EIF3E: variants seen among roughly 807,000 people sequenced by gnomAD.
EIF3E encodes eIF-3 p48.
EIF3E carries 25 observed loss-of-function variants against 59.3 expected under a neutral mutation model. That is an observed-to-expected ratio of 0.42 (90% CI 0.31 to 0.59). The LOEUF (loss-of-function observed/expected upper bound fraction) is 0.59. Ranked by LOEUF, EIF3E falls within the 20% of genes least tolerant of loss-of-function variation. The pLI, the probability that EIF3E is intolerant of heterozygous loss-of-function variation, is 0.15. For missense variants in EIF3E, 317 were observed against 534.3 expected, an observed-to-expected ratio of 0.59 and a Z score of 4.01; for synonymous variants, 176 against 170.2, an observed-to-expected ratio of 1.03 and a Z score of -0.26.
chr8:108,204,758 GAGAGAGAGAGAGAGAGAGAGAGAC>G (rs1317900899), intron 10 of EIF3E, among the ~76,000 whole-genome samples: 24 of 105,872 alleles, frequency 2.3e-4, no homozygotes, highest in Middle Eastern at 5.3e-3. Flanking sequence ...GAGAGAGAGA[GAGAGAGAGAGAGAGAGAGAGAGAC>G]AGAGAGAGAG....
At chr8:108,212,806 CA>C (rs35101534) in intron 10 of EIF3E, among the ~76,000 whole-genome samples, 79,121 of 151,016 alleles carry the variant, frequency 0.52, 21,028 homozygotes, top group African/African-American at 0.65. Flanking sequence ...TGTCTCCCCC[CA>C]AAAAAAGAAA....
In EIF3E at chr8:108,214,599, G is replaced by A; in HGVS notation, c.1061+8C>T. 2 of 1,571,598 alleles carry A rather than the reference G, an allele frequency of 1.3e-6. No individual in the cohort carries two copies. Among genetic ancestry groups the A allele is most frequent in the Non-Finnish European group, 1.7e-6 (2 of 1,162,342 alleles). On this transcript the variant is annotated splice_region_variant and intron_variant, in intron 10 of 12. Transcript: ENST00000220849. ...TAGAAAATCCAAATCAAATCACGGT[G>A]TTCTTACTTAATGCTGATACACTGG...
In EIF3E at chr8:108,245,129, C is replaced by CT. The variant is rs563421733; in HGVS notation, c.91-3217dup. ...TCCTCAAAACCCTCACTGCCCCCCC[C>CT]TCCCATCCCATACCAATACAGAATG... On this transcript the variant is annotated intron_variant, in intron 1 of 12. Coordinates refer to ENST00000220849, the MANE Select transcript of EIF3E (RefSeq NM_001568.3). 1.4e-3 allele frequency among the ~76,000 whole-genome samples: 206 copies of CT among 146,046 alleles called. 1 individual carries two copies. The highest frequency in any genetic ancestry group is 5.6e-3 in the African/African-American group (200 of 35,844).
Position 108,202,938 on chromosome 8 carries a change from A to G in EIF3E, c.1299+45T>C, listed in dbSNP as rs569620347. ...CTTTGAAACTTCATGTAACAATTACATGGTTGCTAAACCCCAGACAGAATA... is the reference window on the plus strand; with the variant it reads ...CTTTGAAACTTCATGTAACAATTACGTGGTTGCTAAACCCCAGACAGAATA... On this transcript the variant is annotated intron_variant, in intron 12 of 12. Coordinates refer to ENST00000220849, the MANE Select transcript of EIF3E (RefSeq NM_001568.3). 14 of 1,563,338 alleles carry G rather than the reference A, an allele frequency of 9.0e-6. No individual in the cohort carries two copies. The African/African-American group carries it at 1.8e-4, about 20-fold the overall frequency.
chr8:108,229,276 C>A, intron 5 of EIF3E, 81 bp from the exon 6 acceptor site: 1 of 1,371,774 alleles, frequency 7.3e-7, no homozygotes. Context: ...CCATGTATCC[C>A]TCTAGCCTAC....
chr8:108,248,520 C>T (rs1199024471), intron 1 of EIF3E, 93 bp downstream of exon 1: 25 of 1,256,436 alleles, frequency 2.0e-5, no homozygotes, highest in Non-Finnish European at 2.8e-5. Flanking sequence ...CCGCCTCGCA[C>T]GTGTCAGGCC....
chr8:108,247,569 G>C (rs948869895), intron 1 of EIF3E, among the ~76,000 whole-genome samples: 5 of 152,142 alleles, frequency 3.3e-5, no homozygotes, highest in African/African-American at 1.2e-4. Flanking sequence ...TGAATATGAG[G>C]ATTATACCTG....
At chr8:108,236,281 T>C in intron 3 of EIF3E, 78 bp from the exon 4 acceptor site, 1 of 1,098,992 alleles carries the variant, frequency 9.1e-7, no homozygotes, top group Non-Finnish European at 1.3e-6. Context: ...TTCTAAGTTA[T>C]TACCTACGCA....
At position 108,215,385 on chromosome 8, in the gene EIF3E, G is replaced by A. The variant is rs189952554; in HGVS notation, c.952-669C>T. Among the ~76,000 whole-genome samples the A allele has an allele frequency of 5.1e-3, 775 of 152,168 alleles. 6 individuals carry two copies. Among genetic ancestry groups the A allele is most frequent in the Non-Finnish European group, 9.0e-3 (610 of 67,986 alleles). ...TGTAATCCCAGCACTTTGGGAGGCC[G>A]AGGTGGGCAGATCACAAGATCAGGA... On this transcript the variant is annotated intron_variant, in intron 9 of 12. Transcript: ENST00000220849.
intron 10 of EIF3E, among the ~76,000 whole-genome samples, chr8:108,209,477 C>T (rs1199510838): frequency 6.6e-6 from 1 of 151,946 alleles, no homozygotes; most frequent in Non-Finnish European, 1.5e-5. Context: ...TGAAATTTCC[C>T]AAAATTACAA....
chr8:108,241,682 A>G (rs1489047985), intron 2 of EIF3E, 117 bp downstream of exon 2: 3 of 528,684 alleles, frequency 5.7e-6, no homozygotes, highest in Non-Finnish European at 9.8e-6. Flanking sequence ...CCCAAAGAAC[A>G]TTAACATTCA....
intron 5 of EIF3E, among the ~76,000 whole-genome samples, chr8:108,229,649 A>G (rs1015850002): frequency 6.6e-6 from 1 of 152,146 alleles, no homozygotes; most frequent in Non-Finnish European, 1.5e-5. Context: ...TTTCCAAATT[A>G]TGACACAAAT....
intron 10 of EIF3E, among the ~76,000 whole-genome samples, chr8:108,211,620 C>G (rs1435337831): frequency 6.6e-6 from 1 of 152,164 alleles, no homozygotes; most frequent in Non-Finnish European, 1.5e-5. Flanking sequence ...AGAAGCTTAT[C>G]TTCTTAATTC....
chr8:108,241,559 T>C (rs925038301), intron 2 of EIF3E, among the ~76,000 whole-genome samples: 2 of 152,220 alleles, frequency 1.3e-5, no homozygotes, highest in Non-Finnish European at 2.9e-5. Context: ...ACTTTGATGA[T>C]ACATACTATG....
intron 10 of EIF3E, among the ~76,000 whole-genome samples, chr8:108,204,555 C>T (rs867494549): frequency 2.0e-5 from 3 of 151,678 alleles, no homozygotes; most frequent in African/African-American, 4.8e-5. Context: ...CGAAACACCA[C>T]GTGTACTCCA....
intron 1 of EIF3E, chr8:108,243,584 GCGC>G (rs1563638897): frequency 2.8e-5 from 4 of 141,080 alleles, no homozygotes; most frequent in African/African-American, 1.1e-4. Flanking sequence ...AGCCGAGATT[GCGC>G]CACTGCACTC....
In EIF3E at chr8:108,235,104, TA is replaced by T; in HGVS notation, c.367-3del. ...TGTATCTAAATATTCCTGCCTAAAC[TA>T]AAAAGAAAAAAAAAAGATTAAGTTC... On this transcript the variant is annotated splice_region_variant and splice_polypyrimidine_tract_variant and intron_variant, in intron 4 of 12. Transcript: ENST00000220849. 1.3e-6 allele frequency: 2 copies of T among 1,513,618 alleles called. No homozygotes were observed. Among genetic ancestry groups the T allele is most frequent in the Non-Finnish European group, 1.8e-6 (2 of 1,125,206 alleles). 93.8% of individuals were successfully genotyped at this position (1,513,618 alleles called of 1,614,324 possible). A position where few individuals can be genotyped will look rare whatever the true frequency, so the allele number is the denominator to read the frequency against.
intron 10 of EIF3E, among the ~76,000 whole-genome samples, chr8:108,206,444 T>C (rs909316627): frequency 6.6e-6 from 1 of 152,176 alleles, no homozygotes; most frequent in African/African-American, 2.4e-5. Context: ...GGAAATGATA[T>C]TTAATCTTAG....
chr8:108,203,204 T>C (rs1815027954), intron 11 of EIF3E, 87 bp from the exon 12 acceptor site: 13 of 1,479,224 alleles, frequency 8.8e-6, no homozygotes, highest in South Asian at 2.6e-5. Context: ...CCTTTGCGCA[T>C]ATTTTAATGC....
Sources: gnomAD v4.1 joint callset for allele counts (sites outside exome capture counted in the v4.1 genomes callset) on GRCh38, gnomAD v4.1.1 for gene constraint, MANE v1.5 for transcripts, NCBI Gene and HGNC (gene_info 2026-07-23, HGNC 2026-07-21) for gene names.